Variants in ESR1 observed in about 807,000 individuals in gnomAD.
The protein encoded by ESR1 is estrogen receptor 1.
Under a neutral mutation model 52.7 loss-of-function variants are expected in ESR1, and 12 were observed. That is an observed-to-expected ratio of 0.23 (90% confidence interval 0.15 to 0.37). The LOEUF is 0.37. ESR1 is among the 10% of genes least tolerant of loss of function. The probability of loss-of-function intolerance (pLI) is 1.00; values close to 1 mark genes in which losing one functional copy is unlikely to be tolerated. For synonymous variants in ESR1, 305 were observed against 316.8 expected (o/e 0.96, Z 0.39); for missense variants, 584 against 779.7 (o/e 0.75, Z 2.99).
intron 1 of ESR1, among the ~76,000 whole-genome samples, chr6:151,811,932 C>T (rs1778900693): frequency 6.6e-6 from 1 of 152,116 alleles, no homozygotes; most frequent in Non-Finnish European, 1.5e-5. Context: ...GCCACTTATT[C>T]TAATCTTTCT....
At chr6:151,723,332 A>G (rs1781593388) in intron 2 of ESR1, among the ~76,000 whole-genome samples, 1 of 152,172 alleles carries the variant, frequency 6.6e-6, no homozygotes. Flanking sequence ...AACTGAGAGG[A>G]AATTTAGTTT....
At chr6:151,771,048 T>C (rs888895770) in intron 2 of ESR1, among the ~76,000 whole-genome samples, 5 of 152,336 alleles carry the variant, frequency 3.3e-5, no homozygotes, top group African/African-American at 1.2e-4. Flanking sequence ...CAGTAGAGTT[T>C]TTCTACAGAA....
chr6:152,008,461 G>A (rs1196598682), intron 4 of ESR1, among the ~76,000 whole-genome samples: 1 of 152,046 alleles, frequency 6.6e-6, no homozygotes, highest in Non-Finnish European at 1.5e-5. Flanking sequence ...ATCCTTATGT[G>A]GCACAAGTGC....
intron 4 of ESR1, among the ~76,000 whole-genome samples, chr6:151,959,256 G>C (rs1416076135): frequency 6.6e-6 from 1 of 151,928 alleles, no homozygotes; most frequent in African/African-American, 2.4e-5. Flanking sequence ...TTCCATCTTT[G>C]TTTGAATTAT....
chr6:151,935,515 G>A (rs1279291102), intron 3 of ESR1, among the ~76,000 whole-genome samples: 1 of 152,182 alleles, frequency 6.6e-6, no homozygotes, highest in Non-Finnish European at 1.5e-5. Context: ...ACAGGGAGCA[G>A]GCTGCATGCA....
intron 1 of ESR1, among the ~76,000 whole-genome samples, chr6:151,699,857 T>C (rs1040475295): frequency 4.6e-5 from 7 of 152,236 alleles, no homozygotes; most frequent in Non-Finnish European, 8.8e-5. Context: ...AGAAGCCAAG[T>C]TGAGAATTGA....
At chr6:151,837,549 A>G (rs921529591) in intron 1 of ESR1, among the ~76,000 whole-genome samples, 2 of 152,192 alleles carry the variant, frequency 1.3e-5, no homozygotes, top group Admixed American at 6.5e-5. Context: ...ATGCTTCTGG[A>G]CATCCTTTTT....
intron 1 of ESR1, among the ~76,000 whole-genome samples, chr6:151,691,288 C>T (rs558605627): frequency 6.6e-6 from 1 of 152,188 alleles, no homozygotes; most frequent in East Asian, 1.9e-4. Flanking sequence ...TCCTTTTTGC[C>T]TCACAATGGC....
rs531486335 is a variant in ESR1 at position 152,028,009 on chromosome 6, T to C, written c.1235+16215T>C. Among the ~76,000 whole-genome samples, 8 of 151,986 alleles carry C rather than the reference T, an allele frequency of 5.3e-5. No individual in the cohort carries two copies. In the South Asian group the frequency reaches 1.5e-3, roughly 28 times the overall value. On this transcript the variant is annotated intron_variant, in intron 5 of 7. Transcript: ENST00000206249. Reference sequence around the variant, plus strand: ...ATACAAAAAATATAGCCAGGTGTGGTGGCAGGCACCTGTAGTCCCAGCTAC... The same window carrying C: ...ATACAAAAAATATAGCCAGGTGTGGCGGCAGGCACCTGTAGTCCCAGCTAC...
chr6:151,792,034 T>C (rs574985125), intron 2 of ESR1, among the ~76,000 whole-genome samples: 174 of 152,352 alleles, frequency 1.1e-3, no homozygotes, highest in Non-Finnish European at 1.6e-3. Context: ...TATAGCCTAC[T>C]ACACATCTAG....
chr6:152,077,979 A>T (rs2048879876), intron 6 of ESR1, among the ~76,000 whole-genome samples: 1 of 152,124 alleles, frequency 6.6e-6, no homozygotes, highest in Non-Finnish European at 1.5e-5. Flanking sequence ...GGAAGGCATG[A>T]TTGCTTTTGA....
intron 1 of ESR1, among the ~76,000 whole-genome samples, chr6:151,818,877 C>T (rs1396072016): frequency 6.6e-6 from 1 of 152,032 alleles, no homozygotes; most frequent in Non-Finnish European, 1.5e-5. Context: ...ATCATATATA[C>T]TCCCCAACCT....
intron 3 of ESR1, among the ~76,000 whole-genome samples, chr6:151,884,951 G>T (rs1027348899): frequency 7.3e-5 from 11 of 151,662 alleles, no homozygotes; most frequent in African/African-American, 2.7e-4. Flanking sequence ...TCTTCTCTTA[G>T]CTCTTATCAC....
chr6:152,094,107 C>A lies in ESR1; in HGVS notation c.1370-278C>A, dbSNP rs1191635480. On this transcript the variant is annotated intron_variant, in intron 6 of 7. Transcript: ENST00000206249. The surrounding 1 kb of genome is among the most constrained non-coding windows in gnomAD (Gnocchi z 4.6). ...GTCAGACCTGTCTGAGAAAAGGTGG[C>A]CCATGTTACCATGACAGGCCCCAAG... Among the ~76,000 whole-genome samples, 1 of 152,190 alleles carries A rather than the reference C, an allele frequency of 6.6e-6. No individual in the cohort carries two copies. Among genetic ancestry groups the A allele is most frequent in the African/African-American group, 2.4e-5 (1 of 41,442 alleles).
intron 2 of ESR1, among the ~76,000 whole-genome samples, chr6:151,872,284 G>A (rs560274053): frequency 6.6e-6 from 1 of 152,196 alleles, no homozygotes; most frequent in South Asian, 2.1e-4. Context: ...ACGACTTCTT[G>A]CCACCCCTGT....
intron 1 of ESR1, among the ~76,000 whole-genome samples, chr6:151,676,468 G>T (rs1489394667): frequency 6.6e-6 from 1 of 152,156 alleles, no homozygotes; most frequent in Non-Finnish European, 1.5e-5. Flanking sequence ...AAGGACTAAG[G>T]TCCTCAGCAG....
intron 2 of ESR1, among the ~76,000 whole-genome samples, chr6:151,719,167 C>T (rs955035391): frequency 8.5e-5 from 13 of 152,148 alleles, no homozygotes; most frequent in African/African-American, 1.9e-4. Context: ...AACATCTTGC[C>T]GTTGTTTACA....
At chr6:152,096,614 C>T (rs567486918) in intron 7 of ESR1, 11 of 455,600 alleles carry the variant, frequency 2.4e-5, no homozygotes, top group East Asian at 1.4e-4. Flanking sequence ...CCTGTGAATT[C>T]GGCTTCTACT....
chr6:152,085,266 G>C (rs2049604189), intron 6 of ESR1, among the ~76,000 whole-genome samples: 1 of 151,970 alleles, frequency 6.6e-6, no homozygotes, highest in African/African-American at 2.4e-5. Flanking sequence ...CCACACCACT[G>C]TACTCCACCC....
Sources: allele counts gnomAD v4.1 joint callset (sites outside exome capture counted in the v4.1 genomes callset), GRCh38; gene constraint gnomAD v4.1.1; non-coding constraint Gnocchi (gnomAD v3.1); transcripts MANE v1.5; gene names NCBI Gene and HGNC (gene_info 2026-07-23, HGNC 2026-07-21).